The following WNT9B variants were observed in gnomAD, a reference collection of about 807,000 sequenced individuals.
The protein encoded by WNT9B is Wnt family member 9B, also known as protein Wnt-9b.
In WNT9B, 12 loss-of-function variants were observed where a neutral mutation model predicts 30.2. That is an observed-to-expected ratio of 0.40 (90% CI 0.26 to 0.64). The LOEUF (loss-of-function observed/expected upper bound fraction) is 0.64, where lower values mean the gene tolerates loss of function less well. Among genes scored for constraint, WNT9B ranks in the 30% least tolerant of loss-of-function variants. The probability of loss-of-function intolerance (pLI) is 0.42; values close to 1 mark genes in which losing one functional copy is unlikely to be tolerated. For missense variants in WNT9B, 442 were observed against 485.2 expected (o/e 0.91, Z 0.84); for synonymous variants, 218 against 216.9 (o/e 1.01, Z -0.05).
chr17:46,853,080 A>G (rs923719890), intron 1 of WNT9B, among the ~76,000 whole-genome samples: 1 of 152,194 alleles, frequency 6.6e-6, no homozygotes, highest in African/African-American at 2.4e-5. Context: ...CCCCAACAGC[A>G]GTGCACAACT....
chr17:46,874,190 G>C lies in WNT9B; in HGVS notation c.335-911G>C, dbSNP rs906238144. ...CCAGGTTTGGGCCACACCCAGCAGA[G>C]AGGAGTGTCGGTGGTTCTGGAGTGG... On this transcript the variant is annotated intron_variant, in intron 2 of 3. Coordinates refer to ENST00000290015, the MANE Select transcript of WNT9B (RefSeq NM_003396.3). 3.3e-5 allele frequency among the ~76,000 whole-genome samples: 5 copies of C among 152,266 alleles called. 1 individual carries two copies. The highest frequency in any genetic ancestry group is 6.8e-3 in the Middle Eastern group (2 of 294).
Position 46,872,634 on chromosome 17 carries a change from G to A in WNT9B, c.195G>A (p.Lys65=), listed in dbSNP as rs1287296344. The A allele has an allele frequency of 1.2e-6, 2 of 1,613,596 alleles. No individual in the cohort carries two copies. Among genetic ancestry groups the A allele is most frequent in the South Asian group, 1.1e-5 (1 of 91,018 alleles). ...TGCTGAAGCTGTCCCGGCGGCAGAA[G>A]CAGCTCTGCCGGAGGGAGCCCGGCC... ...CDLLKLSRRQ[K]QLCRREPGLA... is the part of the protein sequence containing the mutation. Residue 65 remains lysine (K), a synonymous_variant, in exon 2 of 4, where the codon AAG becomes AAA. Transcript: ENST00000290015.
At chr17:46,871,289 G>A (rs546084566) in intron 1 of WNT9B, among the ~76,000 whole-genome samples, 6 of 152,230 alleles carry the variant, frequency 3.9e-5, no homozygotes, top group African/African-American at 1.4e-4. Context: ...CTGGAATGAT[G>A]TATATTCCAC....
In WNT9B at chr17:46,854,023, G is replaced by A. The variant is rs939144618; in HGVS notation, c.77+2308G>A. ...GTTAGGGCTGAGAGGGATGAGTATC[G>A]GAGCCACCTCTTCCAGGTCAGGAGC... is the stretch of plus-strand genomic sequence containing the variant. On this transcript the variant is annotated intron_variant, in intron 1 of 3. Transcript: ENST00000290015. 5.9e-5 allele frequency among the ~76,000 whole-genome samples: 9 copies of A among 152,074 alleles called. No individual in the cohort carries two copies. The South Asian group carries it at 1.5e-3, about 25-fold the overall frequency.
intron 1 of WNT9B, among the ~76,000 whole-genome samples, chr17:46,861,906 G>C (rs143553980): frequency 1.3e-5 from 2 of 152,330 alleles, no homozygotes; most frequent in East Asian, 3.9e-4. Context: ...GCTCATGCCT[G>C]TAATCCCAGC....
At chr17:46,839,972 CT>C (rs1295985949) in intron 1 of WNT9B, among the ~76,000 whole-genome samples, 2 of 124,840 alleles carry the variant, frequency 1.6e-5, no homozygotes, top group African/African-American at 6.0e-5. Context: ...TTCTTTCTTT[CT>C]TTCTCTTCTT....
intron 1 of WNT9B, among the ~76,000 whole-genome samples, chr17:46,863,686 T>G (rs1186911456): frequency 6.6e-6 from 1 of 152,122 alleles, no homozygotes; most frequent in Admixed American, 6.5e-5. Flanking sequence ...ATGAGGGCTT[T>G]TGGACTGGGA....
At position 46,876,789 on chromosome 17, in the gene WNT9B, C is replaced by A; in HGVS notation, c.*71C>A. ...GGCACCCTTCAAGCTGCCCAGCCGG[C>A]CCTCTGGGCAGACTGTCATCACATG... On this transcript the variant is annotated 3_prime_UTR_variant, in exon 4 of 4. Coordinates refer to ENST00000290015, the MANE Select transcript of WNT9B (RefSeq NM_003396.3). The A allele has an allele frequency of 6.8e-7, 1 of 1,466,770 alleles. No individual in the cohort carries two copies. Among genetic ancestry groups the A allele is most frequent in the East Asian group, 2.4e-5 (1 of 41,384 alleles). 90.9% of individuals were successfully genotyped at this position (1,466,770 alleles called of 1,614,324 possible). A position where few individuals can be genotyped will look rare whatever the true frequency, so the allele number is the denominator to read the frequency against.
In WNT9B at chr17:46,876,447, G is replaced by A. The variant is rs533419961; in HGVS notation, c.803G>A (p.Gly268Asp). ...GAGCTGTGGGCCCCTGCCAGGCAGG[G>A]CAGCCTCACCAAAGGCCTGGCCCCA... ...RLELWAPARQ[G>D]SLTKGLAPRS... The change falls in exon 4 of 4, where the codon GGC becomes GAC. Residue 268 changes from glycine (G) to aspartate (D), a missense_variant. Coordinates refer to ENST00000290015, the MANE Select transcript of WNT9B (RefSeq NM_003396.3). 5 of 1,613,704 alleles carry A rather than the reference G, an allele frequency of 3.1e-6. No individual in the cohort carries two copies. Among genetic ancestry groups the A allele is most frequent in the East Asian group, 4.5e-5 (2 of 44,880 alleles).
intron 1 of WNT9B, among the ~76,000 whole-genome samples, chr17:46,839,534 A>G (rs534092390): frequency 1.1e-4 from 17 of 152,078 alleles, no homozygotes; most frequent in African/African-American, 3.1e-4. Context: ...ATATATATAT[A>G]TATGTTTTTT....
intron 1 of WNT9B, among the ~76,000 whole-genome samples, chr17:46,833,942 TC>T (rs1186509917): frequency 6.6e-6 from 1 of 152,148 alleles, no homozygotes; most frequent in East Asian, 1.9e-4. Context: ...ATACCTGTAA[TC>T]CCAGCATCTT....
downstream of WNT9B, among the ~76,000 whole-genome samples, chr17:46,884,228 G>A (rs903347130): frequency 1.3e-5 from 2 of 152,142 alleles, no homozygotes; most frequent in Admixed American, 6.5e-5. Flanking sequence ...CCAGCCCTCC[G>A]AGCCCGGGGT....
rs914324227 is a variant in WNT9B at position 46,851,737 on chromosome 17, C to G, written c.77+22C>G. On this transcript the variant is annotated intron_variant, in intron 1 of 3. Coordinates refer to ENST00000290015, the MANE Select transcript of WNT9B (RefSeq NM_003396.3). This position sits in a 1 kb window ranked among gnomAD's most constrained non-coding sequence, Gnocchi z 4.3. Reference sequence around the variant, plus strand: ...TCGGGTCAGTGCCCGCCGCGCCCCCCGCCCGCTCCCCGGCCTGCCTGTCTC... The same window carrying G: ...TCGGGTCAGTGCCCGCCGCGCCCCCGGCCCGCTCCCCGGCCTGCCTGTCTC... The G allele has an allele frequency of 8.0e-7, 1 of 1,242,476 alleles. No individual in the cohort carries two copies. The highest frequency in any genetic ancestry group is 1.0e-6 in the Non-Finnish European group (1 of 986,282). The allele number at this position is 1,242,476 out of a possible 1,614,324, so 77.0% of individuals were successfully genotyped here. A position where few individuals can be genotyped will look rare whatever the true frequency, so the allele number is the denominator to read the frequency against.
intron 1 of WNT9B, among the ~76,000 whole-genome samples, chr17:46,864,880 G>A (rs1164127372): frequency 1.3e-5 from 2 of 152,128 alleles, no homozygotes; most frequent in African/African-American, 2.4e-5. Flanking sequence ...CAGCCTCCAG[G>A]ACACCTTCCA....
chr17:46,869,340 C>T (rs1185184470), intron 1 of WNT9B, among the ~76,000 whole-genome samples: 3 of 152,192 alleles, frequency 2.0e-5, no homozygotes, highest in Non-Finnish European at 2.9e-5. Flanking sequence ...TCCAAGGCAA[C>T]ACTGGCCATG....
Position 46,876,769 on chromosome 17 carries a change from C to G in WNT9B, c.*51C>G, listed in dbSNP as rs747006152. The G allele has an allele frequency of 1.9e-5, 28 of 1,489,454 alleles. No individual in the cohort carries two copies. The highest frequency in any genetic ancestry group is 2.4e-5 in the Non-Finnish European group (27 of 1,117,600). The allele number at this position is 1,489,454 out of a possible 1,614,324, so 92.3% of individuals were successfully genotyped here. A position where few individuals can be genotyped will look rare whatever the true frequency, so the allele number is the denominator to read the frequency against. ...GCACTGCCAGGACCTCCTGTGGCAC[C>G]CTTCAAGCTGCCCAGCCGGCCCTCT... On this transcript the variant is annotated 3_prime_UTR_variant, in exon 4 of 4. Coordinates refer to ENST00000290015, the MANE Select transcript of WNT9B (RefSeq NM_003396.3).
chr17:46,839,968 CTT>C (rs2084686026), intron 1 of WNT9B, among the ~76,000 whole-genome samples: 1 of 136,872 alleles, frequency 7.3e-6, no homozygotes, highest in Non-Finnish European at 1.6e-5. Context: ...TTCTTTCTTT[CTT>C]TCTTTCTCTT....
intron 1 of WNT9B, among the ~76,000 whole-genome samples, chr17:46,853,540 T>G (rs2084891622): frequency 6.6e-6 from 1 of 151,660 alleles, no homozygotes; most frequent in Non-Finnish European, 1.5e-5. Context: ...CCCAGCTAAT[T>G]TTTGTATTTT....
At chr17:46,885,140 C>A, downstream of WNT9B, 1 of 378,302 alleles carries the variant, frequency 2.6e-6, no homozygotes, top group Non-Finnish European at 5.2e-6. Context: ...AGGCATGCAC[C>A]ACCACGCCTG....
Sources: gnomAD v4.1 joint callset for allele counts (sites outside exome capture counted in the v4.1 genomes callset) on GRCh38, gnomAD v4.1.1 for gene constraint, Gnocchi (gnomAD v3.1) non-coding constraint, MANE v1.5 for transcripts, NCBI Gene and HGNC (gene_info 2026-07-23, HGNC 2026-07-21) for gene names.